The following OCA2 variants were observed in gnomAD, a reference collection of about 807,000 sequenced individuals.
OCA2 encodes OCA2 melanosomal transmembrane protein.
A neutral mutation model predicts 100.2 loss-of-function variants in OCA2; 77 were observed. That is an observed-to-expected ratio of 0.77 (90% CI 0.64 to 0.93). The LOEUF is 0.93. Among genes scored for constraint, OCA2 ranks in the 40% least tolerant of loss-of-function variants. The pLI is 0.00. For missense variants in OCA2, 1,062 were observed against 1,089.1 expected (o/e 0.98, Z 0.35); for synonymous variants, 432 against 439.2 (o/e 0.98, Z 0.21).
At chr15:28,059,788 G>A (rs989343163) in intron 2 of OCA2, among the ~76,000 whole-genome samples, 2 of 152,230 alleles carry the variant, frequency 1.3e-5, no homozygotes, top group Non-Finnish European at 2.9e-5. Flanking sequence ...GTCACTTCGT[G>A]TGTAATTCAT....
At chr15:28,032,489 GAAAAACATTC>G (rs2042933867) in intron 2 of OCA2, among the ~76,000 whole-genome samples, 2 of 152,062 alleles carry the variant, frequency 1.3e-5, no homozygotes, top group Admixed American at 6.6e-5. Context: ...TTCTCATCAA[GAAAAACATTC>G]AGAGGGACGG....
At position 28,081,769 on chromosome 15, in the gene OCA2, G is replaced by A. The variant is rs148066812; in HGVS notation, c.106C>T (p.Arg36Cys). The A allele has an allele frequency of 1.5e-4, 244 of 1,613,300 alleles. No individual in the cohort carries two copies. The highest frequency in any genetic ancestry group is 1.9e-4 in the Non-Finnish European group (228 of 1,179,862). The change falls in exon 2 of 24, where the codon CGC becomes TGC. Residue 36 changes from arginine (R) to cysteine (C), a missense_variant. Coordinates refer to ENST00000354638, the MANE Select transcript of OCA2 (RefSeq NM_000275.3). ...CCACCGGCTCCCCGAGGAAGCCTGCGCTTGCCGGCCACAAGTTCAGCGAGT... is the reference window on the plus strand; with the variant it reads ...CCACCGGCTCCCCGAGGAAGCCTGCACTTGCCGGCCACAAGTTCAGCGAGT... ...SGLAELVAGK[R>C]RLPRGAGGAD...
intron 19 of OCA2, among the ~76,000 whole-genome samples, chr15:27,886,468 G>A (rs1338363349): frequency 6.6e-6 from 1 of 152,038 alleles, no homozygotes; most frequent in East Asian, 1.9e-4. Context: ...ATTTATAATG[G>A]CAGGTTTAAA....
At chr15:27,999,771 G>A (rs756803986) in intron 9 of OCA2, among the ~76,000 whole-genome samples, 7 of 152,096 alleles carry the variant, frequency 4.6e-5, no homozygotes, top group African/African-American at 7.2e-5. Context: ...CAGTAAATTC[G>A]TAGGATACAA....
At chr15:27,986,471 A>G in intron 12 of OCA2, 116 bp downstream of exon 12, 4 of 785,646 alleles carry the variant, frequency 5.1e-6, no homozygotes, top group Non-Finnish European at 8.6e-6. Flanking sequence ...CCTTTAAAAG[A>G]AGGATGGAAT....
intron 21 of OCA2, among the ~76,000 whole-genome samples, chr15:27,864,067 G>A (rs2036233405): frequency 6.6e-6 from 1 of 152,132 alleles, no homozygotes. Flanking sequence ...TGGGCCGGCA[G>A]TGCCCCTCTG....
intron 21 of OCA2, among the ~76,000 whole-genome samples, chr15:27,869,410 CAA>C (rs1245762035): frequency 6.6e-6 from 1 of 152,188 alleles, no homozygotes; most frequent in African/African-American, 2.4e-5. Flanking sequence ...AATTCTGAGG[CAA>C]AGAGGATAAA....
rs1425223093 is a variant in OCA2 at position 28,014,858 on chromosome 15, T to C, written c.962A>G (p.Gln321Arg). 4 of 1,614,022 alleles carry C rather than the reference T, an allele frequency of 2.5e-6. No individual in the cohort carries two copies. Among genetic ancestry groups the C allele is most frequent in the Non-Finnish European group, 3.4e-6 (4 of 1,180,042 alleles). Residue 321 changes from glutamine (Q) to arginine (R), a missense_variant, in exon 9 of 24, where the codon CAG becomes CGG. By Grantham distance (43) the Gln-to-Arg change is conservative. Transcript: ENST00000354638. Reference protein sequence around the residue: ...TQAVPLLMAHQYLRGSVETQV... With the variant: ...TQAVPLLMAHRYLRGSVETQV... ...GGTTTCTACACTTCCGCGGAGGTAC[T>C]GATGAGCCATCAAAAGAGGGACAGC...
chr15:28,093,926 G>A (rs992158012), intron 1 of OCA2, among the ~76,000 whole-genome samples: 3 of 152,168 alleles, frequency 2.0e-5, no homozygotes, highest in African/African-American at 7.2e-5. Flanking sequence ...GGTTGTCCGG[G>A]GTTGAGTAGG....
chr15:27,732,634 G>A, the OCA2 span, among the ~76,000 whole-genome samples: 1 of 152,148 alleles, frequency 6.6e-6, no homozygotes, highest in African/African-American at 2.4e-5. Context: ...CTGCTGTATT[G>A]CTGTGCAGGC....
chr15:27,813,437 T>C (rs986848348), intron 23 of OCA2, among the ~76,000 whole-genome samples: 2 of 152,006 alleles, frequency 1.3e-5, no homozygotes, highest in Non-Finnish European at 2.9e-5. Context: ...CACACACAGA[T>C]ACACACTCAC....
At chr15:27,850,151 G>T (rs184125205) in intron 22 of OCA2, among the ~76,000 whole-genome samples, 8 of 152,240 alleles carry the variant, frequency 5.3e-5, no homozygotes, top group African/African-American at 1.7e-4. Context: ...ATCCAAACTA[G>T]CTCACGAGGC....
At chr15:27,813,500 G>A (rs1254967789) in intron 23 of OCA2, among the ~76,000 whole-genome samples, 1 of 152,192 alleles carries the variant, frequency 6.6e-6, no homozygotes, top group East Asian at 1.9e-4. Flanking sequence ...AGAAATGGGA[G>A]GAAATGTTCA....
At chr15:27,977,171 C>T (rs538668054) in intron 14 of OCA2, among the ~76,000 whole-genome samples, 3 of 152,142 alleles carry the variant, frequency 2.0e-5, no homozygotes, top group South Asian at 4.2e-4. Context: ...ATCAGCTTGG[C>T]GAGATGTTTA....
At chr15:28,098,866 T>G (rs2141991359) in intron 1 of OCA2, among the ~76,000 whole-genome samples, 1 of 152,356 alleles carries the variant, frequency 6.6e-6, no homozygotes, top group South Asian at 2.1e-4. Flanking sequence ...GGCTCATGGC[T>G]AGGAGGCCCC....
At chr15:27,981,444 T>C (rs1475027753) in intron 14 of OCA2, among the ~76,000 whole-genome samples, 3 of 152,362 alleles carry the variant, frequency 2.0e-5, no homozygotes, top group Middle Eastern at 3.4e-3. Flanking sequence ...CTCTAAATAT[T>C]CTTGACGTTT....
intron 18 of OCA2, among the ~76,000 whole-genome samples, chr15:27,929,748 G>A (rs2039175046): frequency 1.3e-5 from 2 of 151,142 alleles, no homozygotes; most frequent in Admixed American, 6.6e-5. Context: ...TCTGATAAAA[G>A]ACTAATATCT....
At chr15:28,023,177 A>G (rs1172298086) in intron 5 of OCA2, among the ~76,000 whole-genome samples, 1 of 152,176 alleles carries the variant, frequency 6.6e-6, no homozygotes, top group African/African-American at 2.4e-5. Flanking sequence ...GCTGAGCAGC[A>G]GGGCTTCAGA....
chr15:27,932,013 G>A (rs756388762), intron 18 of OCA2, among the ~76,000 whole-genome samples: 1 of 152,220 alleles, frequency 6.6e-6, no homozygotes, highest in Non-Finnish European at 1.5e-5. Context: ...ATGTAAGCAA[G>A]GCACCACTTT....
Sources: allele counts gnomAD v4.1 joint callset (sites outside exome capture counted in the v4.1 genomes callset), GRCh38; gene constraint gnomAD v4.1.1; transcripts MANE v1.5; gene names NCBI Gene and HGNC (gene_info 2026-07-23, HGNC 2026-07-21).